EPM2A: variants seen among roughly 807,000 people sequenced by gnomAD.
EPM2A encodes EPM2A glucan phosphatase, laforin, also known as laforin.
A neutral mutation model predicts 26.5 loss-of-function variants in EPM2A; 21 were observed. That is an observed-to-expected ratio of 0.79 (90% CI 0.56 to 1.14). EPM2A has a LOEUF of 1.14. Ranked by LOEUF, EPM2A falls within the 50% of genes most tolerant of loss-of-function variation. The probability of loss-of-function intolerance (pLI) is 0.00; values close to 1 mark genes in which losing one functional copy is unlikely to be tolerated. For synonymous variants in EPM2A, 217 were observed against 177.6 expected, an observed-to-expected ratio of 1.22 and a Z score of -1.76; for missense variants, 458 against 440.8, an observed-to-expected ratio of 1.04 and a Z score of -0.35.
intron 2 of EPM2A, among the ~76,000 whole-genome samples, chr6:145,550,595 C>T (rs1780641763): frequency 6.6e-6 from 1 of 151,948 alleles, no homozygotes; most frequent in Non-Finnish European, 1.5e-5. Flanking sequence ...TATTAAATGA[C>T]ACCAGTTCAT....
intron 2 of EPM2A, among the ~76,000 whole-genome samples, chr6:145,527,338 C>A (rs1236880110): frequency 6.6e-6 from 1 of 151,984 alleles, no homozygotes; most frequent in Non-Finnish European, 1.5e-5. Context: ...TATACAATTT[C>A]TTTATTGGTT....
At chr6:145,525,776 C>A (rs1289572620) in intron 2 of EPM2A, among the ~76,000 whole-genome samples, 1 of 151,888 alleles carries the variant, frequency 6.6e-6, no homozygotes, top group Non-Finnish European at 1.5e-5. Flanking sequence ...ATTTGGATAC[C>A]TTTCATTTCT....
chr6:145,661,980 T>C (rs1323340669), intron 2 of EPM2A, among the ~76,000 whole-genome samples: 1 of 152,212 alleles, frequency 6.6e-6, no homozygotes. Context: ...AAAGCCCTAT[T>C]TCCAAACGTC....
chr6:145,639,733 T>G (rs1776951651), intron 2 of EPM2A: 1 of 152,164 alleles, frequency 6.6e-6, no homozygotes, highest in African/African-American at 2.4e-5. Context: ...TTATTTGTTA[T>G]GAGAGACAAT....
chr6:145,574,520 T>C (rs1440095602), intron 2 of EPM2A, among the ~76,000 whole-genome samples: 2 of 152,338 alleles, frequency 1.3e-5, no homozygotes, highest in African/African-American at 4.8e-5. Context: ...ATTACAGGGT[T>C]CTTCAAAGAT....
intron 2 of EPM2A, among the ~76,000 whole-genome samples, chr6:145,584,147 G>A (rs1287132714): frequency 3.9e-5 from 6 of 152,232 alleles, no homozygotes; most frequent in Admixed American, 3.9e-4. Flanking sequence ...GGGGATGGCT[G>A]TAGGACAGTG....
chr6:145,717,306 G>A (rs1775686275), intron 1 of EPM2A, among the ~76,000 whole-genome samples: 1 of 152,152 alleles, frequency 6.6e-6, no homozygotes, highest in South Asian at 2.1e-4. Flanking sequence ...TGCAAGTCTG[G>A]TTCAATATAC....
chr6:145,614,336 C>A (rs1255711996), intron 2 of EPM2A, among the ~76,000 whole-genome samples: 1 of 152,222 alleles, frequency 6.6e-6, no homozygotes, highest in Non-Finnish European at 1.5e-5. Flanking sequence ...ATCTAGACCA[C>A]TAAAACTTTC....
intron 4 of EPM2A, among the ~76,000 whole-genome samples, chr6:145,432,160 G>A (rs1026558465): frequency 3.9e-5 from 6 of 152,060 alleles, no homozygotes; most frequent in African/African-American, 1.4e-4. Flanking sequence ...ACCTCCCAAA[G>A]TCATCCATCA....
chr6:145,469,981 C>G (rs1351666805), intron 4 of EPM2A, among the ~76,000 whole-genome samples: 2 of 151,942 alleles, frequency 1.3e-5, no homozygotes, highest in African/African-American at 4.8e-5. Context: ...AACAATTGAA[C>G]TCGTGAAGAC....
chr6:145,616,594 A>T (rs985119363), intron 2 of EPM2A, among the ~76,000 whole-genome samples: 1 of 152,202 alleles, frequency 6.6e-6, no homozygotes, highest in Admixed American at 6.5e-5. Context: ...TGCCTGGAAA[A>T]GCTACAGATA....
intron 4 of EPM2A, among the ~76,000 whole-genome samples, chr6:145,493,388 C>T (rs752790059): frequency 6.6e-6 from 1 of 152,158 alleles, no homozygotes; most frequent in Non-Finnish European, 1.5e-5. Flanking sequence ...AGCTTTTGGG[C>T]TGATATGTTG....
chr6:145,426,358 A>ATT (rs1778854631), intron 4 of EPM2A, among the ~76,000 whole-genome samples: 1 of 152,196 alleles, frequency 6.6e-6, no homozygotes, highest in South Asian at 2.1e-4. Context: ...CTCCTTTGGC[A>ATT]GTACAATCTC....
rs1245308186 is a variant in EPM2A, at chr6:145,489,790, A to G, written c.555+12732T>C. The G allele has an allele frequency of 3.5e-6, 5 of 1,442,600 alleles. No homozygotes were observed. The African/African-American group carries it at 5.6e-5, about 16-fold the overall frequency. 89.4% of individuals were successfully genotyped at this position (1,442,600 alleles called of 1,614,324 possible). On this transcript the variant is annotated intron_variant, in intron 4 of 4. Transcript: ENST00000638717. ...GGTTCTCTCTTCTCTCGGTTCATAG[A>G]TTTCTGGGGTCACGTGGTCCAAGTC...
intron 4 of EPM2A, among the ~76,000 whole-genome samples, chr6:145,398,571 C>A (rs1397488979): frequency 6.6e-6 from 1 of 152,032 alleles, no homozygotes; most frequent in African/African-American, 2.4e-5. Context: ...TAAACATTTG[C>A]CATTAATAAT....
chr6:145,628,702 A>C (rs1475431703), intron 3 of EPM2A: 1 of 152,244 alleles, frequency 6.6e-6, no homozygotes, highest in South Asian at 2.1e-4. Context: ...GGTCACACAC[A>C]AGAGTTCTTT....
chr6:145,485,174 T>C lies in EPM2A; in HGVS notation c.555+17348A>G, dbSNP rs572240581. Among the ~76,000 whole-genome samples the C allele has an allele frequency of 5.3e-5, 8 of 151,846 alleles. No individual in the cohort carries two copies. In the East Asian group the frequency reaches 9.7e-4, roughly 18 times the overall value. ...CCTGAGATCCAATTTTGGGCCAGTA[T>C]ATAAAATTGCAATAGAAAAATGTAT... On this transcript the variant is annotated intron_variant, in intron 4 of 4. Transcript: ENST00000638717.
At chr6:145,619,145 T>C (rs1232589431) in intron 2 of EPM2A, among the ~76,000 whole-genome samples, 2 of 150,734 alleles carry the variant, frequency 1.3e-5, no homozygotes, top group Non-Finnish European at 2.9e-5. Context: ...ACAGAGAAAG[T>C]ATGGGAGGTC....
intron 2 of EPM2A, among the ~76,000 whole-genome samples, chr6:145,618,065 A>C (rs1320378350): frequency 6.6e-6 from 1 of 152,238 alleles, no homozygotes; most frequent in Admixed American, 6.5e-5. Context: ...AGCACTGTTT[A>C]CAGTTTCTAC....
Sources: gnomAD v4.1 joint callset for allele counts (sites outside exome capture counted in the v4.1 genomes callset) on GRCh38, gnomAD v4.1.1 for gene constraint, MANE v1.5 for transcripts, NCBI Gene and HGNC (gene_info 2026-07-23, HGNC 2026-07-21) for gene names.